RAPGEF6: variants seen among roughly 807,000 people sequenced by gnomAD.
The protein encoded by RAPGEF6 is Rap guanine nucleotide exchange factor 6, also known as PDZ domain containing guanine nucleotide exchange factor (GEF) 2.
RAPGEF6 carries 56 observed loss-of-function variants against 171.4 expected under a neutral mutation model. The ratio of observed to expected loss-of-function variants is 0.33; its 90% confidence interval spans 0.26 to 0.41. RAPGEF6 has a LOEUF of 0.41. Among genes scored for constraint, RAPGEF6 ranks in the 10% least tolerant of loss-of-function variants. RAPGEF6 has a pLI of 1.00. For missense variants in RAPGEF6, 1,674 were observed against 1,921.4 expected (o/e 0.87, Z 2.41); for synonymous variants, 692 against 650.1 (o/e 1.06, Z -0.98).
intron 4 of RAPGEF6, among the ~76,000 whole-genome samples, chr5:131,578,400 T>C (rs906247890): frequency 6.6e-6 from 1 of 152,166 alleles, no homozygotes; most frequent in Non-Finnish European, 1.5e-5. Context: ...GGGCTACCTC[T>C]CTTGTCTCCC....
At chr5:131,483,625 A>C (rs1050945544) in intron 15 of RAPGEF6, among the ~76,000 whole-genome samples, 1 of 152,216 alleles carries the variant, frequency 6.6e-6, no homozygotes, top group Non-Finnish European at 1.5e-5. Context: ...GTCTCTTCCC[A>C]CATATGTATA....
chr5:131,610,016 G>A (rs1764845605), intron 1 of RAPGEF6, among the ~76,000 whole-genome samples: 1 of 152,160 alleles, frequency 6.6e-6, no homozygotes, highest in South Asian at 2.1e-4. Flanking sequence ...ACAGAACGCT[G>A]TAATAACCTT....
chr5:131,569,403 C>T (rs1762137457), intron 4 of RAPGEF6, among the ~76,000 whole-genome samples: 1 of 152,098 alleles, frequency 6.6e-6, no homozygotes, highest in African/African-American at 2.4e-5. Context: ...GTACAGAAAA[C>T]AAACACACAT....
chr5:131,535,029 T>C (rs1299250226), intron 6 of RAPGEF6, among the ~76,000 whole-genome samples: 1 of 152,086 alleles, frequency 6.6e-6, no homozygotes, highest in Non-Finnish European at 1.5e-5. Context: ...TGCTGCCCAG[T>C]GTGAGAAATG....
chr5:131,546,104 C>T (rs942957643), intron 6 of RAPGEF6, among the ~76,000 whole-genome samples: 3 of 152,076 alleles, frequency 2.0e-5, no homozygotes, highest in African/African-American at 7.2e-5. Flanking sequence ...GTCTAGGATT[C>T]ATGACAGGAC....
At chr5:131,544,701 G>C (rs1198544074) in intron 6 of RAPGEF6, among the ~76,000 whole-genome samples, 1 of 151,912 alleles carries the variant, frequency 6.6e-6, no homozygotes, top group Non-Finnish European at 1.5e-5. Flanking sequence ...ATTTTTTTTT[G>C]AGACGGAGTC....
chr5:131,532,274 G>A (rs1242716078), intron 6 of RAPGEF6: 3 of 263,986 alleles, frequency 1.1e-5, no homozygotes, highest in Non-Finnish European at 2.3e-5. Flanking sequence ...TTATATAAAG[G>A]CAGCCTCTCC....
intron 15 of RAPGEF6, among the ~76,000 whole-genome samples, chr5:131,483,928 G>A (rs1047333722): frequency 4.6e-5 from 7 of 151,452 alleles, no homozygotes; most frequent in African/African-American, 1.5e-4. Context: ...GTGAAACCCC[G>A]TCTCTACTAA....
chr5:131,627,345 C>T (rs1375288593), intron 1 of RAPGEF6, among the ~76,000 whole-genome samples: 2 of 152,190 alleles, frequency 1.3e-5, no homozygotes, highest in African/African-American at 4.8e-5. Flanking sequence ...AACCAAGCTG[C>T]TGAGTAAGAC....
chr5:131,525,075 G>C (rs1002216956), intron 6 of RAPGEF6, among the ~76,000 whole-genome samples: 16 of 152,048 alleles, frequency 1.1e-4, no homozygotes, highest in Non-Finnish European at 1.6e-4. Flanking sequence ...CTACAATTAT[G>C]CCATAAATTT....
chr5:131,524,450 A>G (rs1241846946), intron 6 of RAPGEF6, among the ~76,000 whole-genome samples: 3 of 152,166 alleles, frequency 2.0e-5, no homozygotes, highest in Non-Finnish European at 2.9e-5. Flanking sequence ...AAAAAAGTGT[A>G]TAACTATAAA....
At chr5:131,531,957 TAA>T (rs3836730) in intron 6 of RAPGEF6, 3 of 275,370 alleles carry the variant, frequency 1.1e-5, no homozygotes, top group African/African-American at 6.7e-5. Context: ...ATATTTAAAT[TAA>T]AAAAAAATGG....
intron 19 of RAPGEF6, among the ~76,000 whole-genome samples, chr5:131,458,449 T>C (rs761138921): frequency 6.6e-6 from 1 of 152,190 alleles, no homozygotes; most frequent in Non-Finnish European, 1.5e-5. Context: ...AAACCTCTTT[T>C]CTTTATAAAT....
chr5:131,429,849 T>C (rs1269961213), intron 26 of RAPGEF6, among the ~76,000 whole-genome samples: 1 of 152,006 alleles, frequency 6.6e-6, no homozygotes, highest in Non-Finnish European at 1.5e-5. Context: ...GGTGAGAAGT[T>C]TGAGACCAGC....
At chr5:131,510,573 T>C (rs1366835913) in intron 7 of RAPGEF6, 82 bp from the exon 8 acceptor site, 1 of 1,310,446 alleles carries the variant, frequency 7.6e-7, no homozygotes, top group Non-Finnish European at 1.1e-6. Context: ...AAACTACCCA[T>C]CCCTACAAAA....
At chr5:131,514,578 T>C (rs1341510663) in intron 7 of RAPGEF6, among the ~76,000 whole-genome samples, 1 of 152,064 alleles carries the variant, frequency 6.6e-6, no homozygotes, top group Non-Finnish European at 1.5e-5. Flanking sequence ...ACTTTCAACA[T>C]TTACTACAAA....
rs553346185 is a variant in RAPGEF6, at chr5:131,502,923, C to T, written c.1254+1703G>A. Among the ~76,000 whole-genome samples, 6 of 152,220 alleles carry T rather than the reference C, an allele frequency of 3.9e-5. No individual in the cohort carries two copies. The South Asian group carries it at 8.3e-4, about 21-fold the overall frequency. On this transcript the variant is annotated intron_variant, in intron 11 of 27. Coordinates refer to ENST00000509018, the MANE Select transcript of RAPGEF6 (RefSeq NM_016340.6). Reference sequence around the variant, plus strand: ...AGGCAATTCTCCTGCTTCAGCCTCCCGAGTAGCTGGGATTGATTACAGGCG... The same window carrying T: ...AGGCAATTCTCCTGCTTCAGCCTCCTGAGTAGCTGGGATTGATTACAGGCG...
chr5:131,495,735 T>C (rs1756599965), intron 12 of RAPGEF6, 75 bp from the exon 13 acceptor site: 3 of 1,518,166 alleles, frequency 2.0e-6, no homozygotes, highest in African/African-American at 1.4e-5. Context: ...CAAAAGCATG[T>C]CTAAAACTCA....
At chr5:131,536,300 C>G (rs533643261) in intron 6 of RAPGEF6, among the ~76,000 whole-genome samples, 1 of 152,086 alleles carries the variant, frequency 6.6e-6, no homozygotes, top group East Asian at 1.9e-4. Flanking sequence ...CTTTTCCACC[C>G]GTTTTCCCCC....
Sources: allele counts gnomAD v4.1 joint callset (sites outside exome capture counted in the v4.1 genomes callset), GRCh38; gene constraint gnomAD v4.1.1; transcripts MANE v1.5; gene names NCBI Gene and HGNC (gene_info 2026-07-23, HGNC 2026-07-21).